FOCAD: variants seen among roughly 807,000 people sequenced by gnomAD.
FOCAD encodes KIAA1797.
A neutral mutation model predicts 225.6 loss-of-function variants in FOCAD; 198 were observed. The observed-to-expected ratio is 0.88, with a 90% CI of 0.78 to 0.99. The LOEUF is 0.99. FOCAD is among the 50% of genes least tolerant of loss of function. FOCAD has a pLI of 0.00. For missense variants in FOCAD, 2,713 were observed against 2,123.6 expected (o/e 1.28, Z -5.46); for synonymous variants, 897 against 755.0 (o/e 1.19, Z -3.08).
intron 11 of FOCAD, among the ~76,000 whole-genome samples, chr9:20,798,108 G>A (rs1038172088): frequency 1.3e-5 from 2 of 152,154 alleles, no homozygotes; most frequent in African/African-American, 4.8e-5. Flanking sequence ...AGATAATCAT[G>A]TGGTTTTTGT....
intron 8 of FOCAD, among the ~76,000 whole-genome samples, chr9:20,771,844 A>G (rs1818267561): frequency 6.6e-6 from 1 of 152,182 alleles, no homozygotes; most frequent in Non-Finnish European, 1.5e-5. Context: ...TCTGTTCTTG[A>G]TGAGGACTCT....
intron 19 of FOCAD, among the ~76,000 whole-genome samples, chr9:20,879,752 A>G (rs1050329898): frequency 1.1e-4 from 17 of 152,198 alleles, no homozygotes; most frequent in Admixed American, 2.6e-4. Flanking sequence ...ATGAAGCTCT[A>G]TACATCAACT....
chr9:20,853,005 T>C (rs943854233), intron 15 of FOCAD, among the ~76,000 whole-genome samples: 2 of 151,752 alleles, frequency 1.3e-5, no homozygotes, highest in Non-Finnish European at 3.0e-5. Flanking sequence ...AAAAATTTCC[T>C]CTGATTATTG....
At chr9:20,856,010 C>T (rs983737393) in intron 15 of FOCAD, among the ~76,000 whole-genome samples, 2 of 151,754 alleles carry the variant, frequency 1.3e-5, no homozygotes, top group Admixed American at 1.3e-4. Context: ...ACTTAGGTTG[C>T]TTCCAAATCT....
intron 15 of FOCAD, among the ~76,000 whole-genome samples, chr9:20,825,400 A>C (rs1824782774): frequency 6.6e-6 from 1 of 152,090 alleles, no homozygotes; most frequent in Non-Finnish European, 1.5e-5. Context: ...GATGTAGTCA[A>C]GGTTTCAAGA....
At chr9:20,736,933 CAT>C (rs1827200286) in intron 4 of FOCAD, among the ~76,000 whole-genome samples, 1 of 151,490 alleles carries the variant, frequency 6.6e-6, no homozygotes, top group Non-Finnish European at 1.5e-5. Context: ...ATTTATTAAA[CAT>C]AATATTTATT....
At chr9:20,728,403 A>G (rs186368537) in intron 4 of FOCAD, among the ~76,000 whole-genome samples, 56 of 152,338 alleles carry the variant, frequency 3.7e-4, no homozygotes, top group Admixed American at 2.4e-3. Context: ...AACTTTGTGC[A>G]TGAAACAAAG....
At chr9:20,939,975 T>G (rs1006213992) in intron 28 of FOCAD, among the ~76,000 whole-genome samples, 7 of 149,760 alleles carry the variant, frequency 4.7e-5, no homozygotes, top group African/African-American at 1.2e-4. Flanking sequence ...ATTGTTCAGT[T>G]CCCACCTATG....
At chr9:20,951,184 C>T in intron 34 of FOCAD, 86 bp downstream of exon 34, 1 of 967,582 alleles carries the variant, frequency 1.0e-6, no homozygotes, top group Admixed American at 1.9e-5. Context: ...CATTAATCTT[C>T]ACAACAACCC....
intron 24 of FOCAD, among the ~76,000 whole-genome samples, chr9:20,922,511 C>T (rs568749795): frequency 6.6e-6 from 1 of 152,296 alleles, no homozygotes; most frequent in South Asian, 2.1e-4. Context: ...AATGCAAGAA[C>T]ACATGTGCGC....
At chr9:20,989,144 G>A (rs1054955632) in intron 41 of FOCAD, among the ~76,000 whole-genome samples, 1 of 152,134 alleles carries the variant, frequency 6.6e-6, no homozygotes, top group African/African-American at 2.4e-5. Flanking sequence ...TGCTTCATGA[G>A]TATTCTGTTT....
intron 11 of FOCAD, among the ~76,000 whole-genome samples, chr9:20,803,788 C>T (rs899242836): frequency 1.3e-5 from 2 of 152,072 alleles, no homozygotes; most frequent in Non-Finnish European, 1.5e-5. Flanking sequence ...GGTGAAGACA[C>T]CCTAACTCAG....
chr9:20,993,131 C>T, intron 42 of FOCAD, 122 bp from the exon 43 acceptor site: 1 of 710,940 alleles, frequency 1.4e-6, no homozygotes, highest in Non-Finnish European at 2.4e-6. Flanking sequence ...GAACTGTAAT[C>T]CCAGCTACTG....
At chr9:20,949,732 T>G (rs1837517245) in intron 33 of FOCAD, 57 bp downstream of exon 33, 2 of 1,370,840 alleles carry the variant, frequency 1.5e-6, no homozygotes, top group Non-Finnish European at 2.1e-6. Context: ...TTGTTGTCTT[T>G]TTTTCTATTA....
intron 3 of FOCAD, among the ~76,000 whole-genome samples, chr9:20,719,353 G>T (rs767704333): frequency 6.6e-6 from 1 of 152,192 alleles, no homozygotes. Flanking sequence ...AAAGTGTTGG[G>T]ATTACAGGCA....
At chr9:20,696,778 C>T (rs1158210375) in intron 1 of FOCAD, among the ~76,000 whole-genome samples, 1 of 152,030 alleles carries the variant, frequency 6.6e-6, no homozygotes. Flanking sequence ...GCACTCCAGC[C>T]TGGGTGACAG....
chr9:20,844,651 G>A (rs1587378684), intron 15 of FOCAD, among the ~76,000 whole-genome samples: 1 of 151,986 alleles, frequency 6.6e-6, no homozygotes, highest in South Asian at 2.1e-4. Flanking sequence ...GTGAGCCACT[G>A]TACCCGGCCT....
chr9:20,850,845 T>C (rs1371515926), intron 15 of FOCAD, among the ~76,000 whole-genome samples: 1 of 148,604 alleles, frequency 6.7e-6, no homozygotes, highest in Non-Finnish European at 1.5e-5. Flanking sequence ...CCTCTATATC[T>C]AGTATGAAAC....
chr9:20,698,109 T>C (rs1315072933), intron 1 of FOCAD, among the ~76,000 whole-genome samples: 3 of 152,236 alleles, frequency 2.0e-5, no homozygotes, highest in South Asian at 4.1e-4. Context: ...ATAAGATCAC[T>C]TTTTTTAAAA....
Sources: allele counts gnomAD v4.1 joint callset (sites outside exome capture counted in the v4.1 genomes callset), GRCh38; gene constraint gnomAD v4.1.1; transcripts MANE v1.5; gene names NCBI Gene and HGNC (gene_info 2026-07-23, HGNC 2026-07-21).